MYZAP: variants seen among roughly 807,000 people sequenced by gnomAD.
The protein encoded by MYZAP is myocardial zonula adherens protein.
A neutral mutation model predicts 69.4 loss-of-function variants in MYZAP; 66 were observed. The ratio of observed to expected loss-of-function variants is 0.95; its 90% CI spans 0.78 to 1.17. The LOEUF (loss-of-function observed/expected upper bound fraction) is 1.17. Ranked by LOEUF, MYZAP falls within the 50% of genes most tolerant of loss-of-function variation. MYZAP has a pLI of 0.00. For synonymous variants in MYZAP, 256 were observed against 205.9 expected (o/e 1.24, Z -2.09); for missense variants, 611 against 556.2 (o/e 1.10, Z -0.99).
At position 57,618,120 on chromosome 15, in the gene MYZAP, C is replaced by A. The variant is rs1567208702; in HGVS notation, c.250C>A (p.Gln84Lys). The A allele has an allele frequency of 6.2e-7, 1 of 1,614,088 alleles. No individual in the cohort carries two copies. Among genetic ancestry groups the A allele is most frequent in the East Asian group, 2.2e-5 (1 of 44,878 alleles). The change falls in exon 3 of 13, where the codon CAG (glutamine) becomes AAG (lysine). Residue 84 changes from glutamine (Q) to lysine (K), a missense_variant. Transcript: ENST00000267853. Reference protein sequence around the residue: ...GVVRRSDQNQQKEMVVYGWST... With the variant: ...GVVRRSDQNQKKEMVVYGWST... ...GGTGCGAAGATCAGATCAAAATCAG[C>A]AGAAAGAAATGGTGGTGTATGGGTG... is the stretch of plus-strand genomic sequence containing the variant.
intron 3 of MYZAP, among the ~76,000 whole-genome samples, chr15:57,620,683 T>G (rs567541580): frequency 3.7e-4 from 57 of 152,336 alleles, no homozygotes; most frequent in Admixed American, 1.4e-3. Flanking sequence ...ACTTTCAAAT[T>G]TATGGGCTCC....
At position 57,675,187 on chromosome 15, in the gene MYZAP, G is replaced by C; in HGVS notation, c.1304+119G>C. The stretch of plus-strand genomic sequence containing the variant: ...TTCCTATCACAAATATTTCTGCAAA[G>C]CCGAGTGGTGGCTGCTGAGAGGCTT... On this transcript the variant is annotated intron_variant, in intron 12 of 12. Transcript: ENST00000267853. 3 of 934,560 alleles carry C rather than the reference G, an allele frequency of 3.2e-6. No individual in the cohort carries two copies. In the South Asian group the frequency reaches 5.3e-5, roughly 16 times the overall value. 57.9% of individuals were successfully genotyped at this position (934,560 alleles called of 1,614,324 possible). A position where few individuals can be genotyped will look rare whatever the true frequency, so the allele number is the denominator to read the frequency against.
At chr15:57,646,509 C>T (rs1223002417) in intron 10 of MYZAP, 1 of 1,028,954 alleles carries the variant, frequency 9.7e-7, no homozygotes, top group Non-Finnish European at 1.2e-6. Context: ...AAAAACCATT[C>T]AGAAAGATCC....
Position 57,617,785 on chromosome 15 carries a change from G to A in MYZAP, c.163-248G>A, listed in dbSNP as rs138488140. On this transcript the variant is annotated intron_variant, in intron 2 of 12. Coordinates refer to ENST00000267853, the MANE Select transcript of MYZAP (RefSeq NM_001018100.5). ...GTATCTTTGTGGGAATTACTCTTAG[G>A]TGAGTGGACAGGCCCTTATATACAT... Among the ~76,000 whole-genome samples the A allele has an allele frequency of 5.3e-5, 8 of 152,308 alleles. No individual in the cohort carries two copies. The East Asian group carries it at 9.7e-4, about 18-fold the overall frequency.
At chr15:57,679,995 T>G (rs1483772919) in intron 12 of MYZAP, among the ~76,000 whole-genome samples, 1 of 152,196 alleles carries the variant, frequency 6.6e-6, no homozygotes, top group African/African-American at 2.4e-5. Flanking sequence ...GCCTCCTGCT[T>G]TATCTGCAGC....
In MYZAP at chr15:57,625,810, A is replaced by T; in HGVS notation, c.443A>T (p.Asn148Ile). The T allele has an allele frequency of 6.2e-7, 1 of 1,614,186 alleles. No homozygotes were observed. The highest frequency in any genetic ancestry group is 8.5e-7 in the Non-Finnish European group (1 of 1,180,032). ...CATGCTCAGCAGGAGTATCTGGAGA[A>T]TCACATCCAAACCCAGTCGTCTGCC... The part of the protein sequence containing the change: ...VSHAQQEYLE[N>I]HIQTQSSALD... Residue 148 changes from asparagine (N) to isoleucine (I), a missense_variant, in exon 5 of 13, where the codon AAT becomes ATT. Asn to Ile is a moderately radical substitution (Grantham distance 149). Transcript: ENST00000267853.
chr15:57,630,170 G>A (rs1450568193), intron 6 of MYZAP, among the ~76,000 whole-genome samples: 1 of 152,158 alleles, frequency 6.6e-6, no homozygotes, highest in Non-Finnish European at 1.5e-5. Flanking sequence ...GTTTCACCAT[G>A]TTGGCCAGGC....
At chr15:57,632,359 T>G (rs1595889699) in intron 6 of MYZAP, 75 bp from the exon 7 acceptor site, 1 of 1,598,064 alleles carries the variant, frequency 6.3e-7, no homozygotes, top group East Asian at 2.2e-5. Context: ...AGTCCCCACA[T>G]GAAATGTGCA....
intron 2 of MYZAP, 124 bp downstream of exon 2, chr15:57,604,479 CCT>C: frequency 1.0e-6 from 1 of 973,792 alleles, no homozygotes; most frequent in Non-Finnish European, 1.5e-6. Flanking sequence ...AGGAGAAGGC[CCT>C]CTCAACCTTC....
At position 57,605,558 on chromosome 15, in the gene MYZAP, C is replaced by T. The variant is rs57780160; in HGVS notation, c.162+1203C>T. On this transcript the variant is annotated intron_variant, in intron 2 of 12. Coordinates refer to ENST00000267853, the MANE Select transcript of MYZAP (RefSeq NM_001018100.5). Reference sequence around the variant, plus strand: ...CCATAGGTCTCTGTCTCTCCTTGCCCTCTCCTCCCCACTTTCTACCAAGGA... The same window carrying T: ...CCATAGGTCTCTGTCTCTCCTTGCCTTCTCCTCCCCACTTTCTACCAAGGA... 5.2e-3 allele frequency among the ~76,000 whole-genome samples: 788 copies of T among 152,268 alleles called. 4 individuals are homozygous for T. Among genetic ancestry groups the T allele is most frequent in the African/African-American group, 0.018 (763 of 41,556 alleles).
At chr15:57,621,501 C>T (rs1046194652) in intron 3 of MYZAP, 107 bp from the exon 4 acceptor site, 68 of 1,296,466 alleles carry the variant, frequency 5.2e-5, no homozygotes, top group Middle Eastern at 5.6e-4. Context: ...CTTGAGCCAC[C>T]GCACCTGGCC....
At chr15:57,637,340 A>T (rs1042517347) in intron 8 of MYZAP, among the ~76,000 whole-genome samples, 1 of 152,222 alleles carries the variant, frequency 6.6e-6, no homozygotes, top group Non-Finnish European at 1.5e-5. Flanking sequence ...TCTTTTCTTG[A>T]TGATTCAGAA....
At chr15:57,617,237 G>A (rs2035523685) in intron 2 of MYZAP, among the ~76,000 whole-genome samples, 1 of 152,164 alleles carries the variant, frequency 6.6e-6, no homozygotes, top group Non-Finnish European at 1.5e-5. Context: ...GACAATTGCT[G>A]TGTCATAGAG....
At chr15:57,633,080 C>T (rs1408526123) in intron 7 of MYZAP, among the ~76,000 whole-genome samples, 9 of 152,186 alleles carry the variant, frequency 5.9e-5, no homozygotes, top group South Asian at 4.1e-4. Flanking sequence ...TGGGGCTGTG[C>T]GTCTCACATC....
At position 57,592,073 on chromosome 15, in the gene MYZAP, C is replaced by A; in HGVS notation, c.39C>A (p.Gly13=). ...RSTSTVTLLS[G]GAARTPGAPS... is the part of the protein sequence containing the mutation. ...CGTCCACGGTCACCCTGCTCTCGGG[C>A]GGCGCCGCCAGGACGCCCGGGGCGC... The change falls in exon 1 of 13, where the codon GGC becomes GGA. Residue 13 remains glycine (G), a synonymous_variant. Coordinates refer to ENST00000267853, the MANE Select transcript of MYZAP (RefSeq NM_001018100.5). The A allele has an allele frequency of 1.4e-6, 2 of 1,390,036 alleles. No individual in the cohort carries two copies. The highest frequency in any genetic ancestry group is 1.9e-6 in the Non-Finnish European group (2 of 1,075,538). 86.1% of individuals were successfully genotyped at this position (1,390,036 alleles called of 1,614,324 possible).
Position 57,655,369 on chromosome 15 carries a change from T to A in MYZAP, c.1120-6081T>A, listed in dbSNP as rs1280252400. ...GGACAGGATGGGCATGAAATGAAAG[T>A]GGGAAAATAGGGAGCACAGCGGAAG... On this transcript the variant is annotated intron_variant, in intron 10 of 12. Coordinates refer to ENST00000267853, the MANE Select transcript of MYZAP (RefSeq NM_001018100.5). Among the ~76,000 whole-genome samples, 6 of 152,026 alleles carry A rather than the reference T, an allele frequency of 3.9e-5. No individual in the cohort carries two copies. In the East Asian group the frequency reaches 1.2e-3, roughly 29 times the overall value.
rs56102709 is a variant in MYZAP, at chr15:57,678,041, C to CAA, written c.1304+2993_1304+2994dup. 1.8e-3 allele frequency among the ~76,000 whole-genome samples: 214 copies of CAA among 116,210 alleles called. 1 individual carries two copies. The highest frequency in any genetic ancestry group is 6.8e-3 in the African/African-American group (194 of 28,434). 76.2% of individuals were successfully genotyped at this position (116,210 alleles called of 152,430 possible). A position where few individuals can be genotyped will look rare whatever the true frequency, so the allele number is the denominator to read the frequency against. On this transcript the variant is annotated intron_variant, in intron 12 of 12. Transcript: ENST00000267853. ...CCACATAGCAGGACCTTATCTCTACCAAAAAAAAAAAAAAAAAAAAAGAAA... is the reference window on the plus strand; with the variant it reads ...CCACATAGCAGGACCTTATCTCTACCAAAAAAAAAAAAAAAAAAAAAAAGAAA...
chr15:57,630,105 A>C (rs2036413593), intron 6 of MYZAP, among the ~76,000 whole-genome samples: 1 of 152,000 alleles, frequency 6.6e-6, no homozygotes, highest in Admixed American at 6.6e-5. Flanking sequence ...AGTAGCTGGA[A>C]TTACAGGCAC....
chr15:57,663,421 G>A (rs1464820241), intron 11 of MYZAP, among the ~76,000 whole-genome samples: 4 of 152,188 alleles, frequency 2.6e-5, no homozygotes, highest in African/African-American at 9.7e-5. Context: ...ATCTCAGGAA[G>A]CCCCACTAGG....
Sources: gnomAD v4.1 joint callset for allele counts (sites outside exome capture counted in the v4.1 genomes callset) on GRCh38, gnomAD v4.1.1 for gene constraint, MANE v1.5 for transcripts, NCBI Gene and HGNC (gene_info 2026-07-23, HGNC 2026-07-21) for gene names.